Variants in TRPC1 observed in about 807,000 individuals in gnomAD.
TRPC1 encodes the protein short transient receptor potential channel 1.
A neutral mutation model predicts 88.2 loss-of-function variants in TRPC1; 42 were observed. The ratio of observed to expected loss-of-function variants is 0.48; its 90% confidence interval spans 0.37 to 0.62. The LOEUF (loss-of-function observed/expected upper bound fraction) is 0.62, where lower values mean the gene tolerates loss of function less well. Ranked by LOEUF, TRPC1 falls within the 20% of genes least tolerant of loss-of-function variation. The pLI is 0.00. For synonymous variants in TRPC1, 288 were observed against 331.8 expected (o/e 0.87, Z 1.43); for missense variants, 699 against 957.3 (o/e 0.73, Z 3.56).
intron 7 of TRPC1, among the ~76,000 whole-genome samples, chr3:142,790,265 C>T (rs1220950992): frequency 2.0e-5 from 3 of 151,936 alleles, no homozygotes; most frequent in Admixed American, 6.6e-5. Context: ...TAGAATAGTA[C>T]AAGGAAAGAT....
At chr3:142,753,486 C>A (rs1934849592) in intron 4 of TRPC1, among the ~76,000 whole-genome samples, 1 of 152,090 alleles carries the variant, frequency 6.6e-6, no homozygotes, top group African/African-American at 2.4e-5. Flanking sequence ...TAAAAAGAGA[C>A]CGGGCGCGGT....
chr3:142,770,620 T>C (rs1935544553), intron 4 of TRPC1, among the ~76,000 whole-genome samples: 1 of 152,232 alleles, frequency 6.6e-6, no homozygotes, highest in Admixed American at 6.5e-5. Context: ...TTAAAAAATC[T>C]AGTCTGACAG....
intron 1 of TRPC1, among the ~76,000 whole-genome samples, chr3:142,730,610 T>G (rs1048899238): frequency 6.6e-6 from 1 of 151,806 alleles, no homozygotes; most frequent in Non-Finnish European, 1.5e-5. Flanking sequence ...GCATGGGTTT[T>G]TTTTTTTTTT....
Position 142,784,908 on chromosome 3 carries a change from A to G in TRPC1, c.1165A>G (p.Ile389Val), listed in dbSNP as rs894349359. 1 of 1,614,118 alleles carries G rather than the reference A, an allele frequency of 6.2e-7. No individual in the cohort carries two copies. The highest frequency in any genetic ancestry group is 8.5e-7 in the Non-Finnish European group (1 of 1,180,002). Residue 389 changes from isoleucine (I) to valine (V), a missense_variant, in exon 7 of 13, where the codon ATT becomes GTT. Ile to Val is a conservative substitution (Grantham distance 29). Coordinates refer to ENST00000476941, the MANE Select transcript of TRPC1 (RefSeq NM_001251845.2). Reference protein sequence around the residue: ...IIHTPFMKFIIHGASYFTFLL... With the variant: ...IIHTPFMKFIVHGASYFTFLL... ...TCACACACCTTTTATGAAATTTATC[A>G]TTCATGGAGCATCATATTTCACATT...
Position 142,724,621 on chromosome 3 carries a change from C to G in TRPC1, c.62C>G (p.Ser21Cys). 6.2e-7 allele frequency: 1 copy of G among 1,612,024 alleles called. No individual in the cohort carries two copies. The highest frequency in any genetic ancestry group is 8.5e-7 in the Non-Finnish European group (1 of 1,179,356). ...GGCGCCTCCTCCTCCTCCCTGCCTTCCTCTCCATCCTCTTCCTCGCCGAAC... is the reference window on the plus strand; with the variant it reads ...GGCGCCTCCTCCTCCTCCCTGCCTTGCTCTCCATCCTCTTCCTCGCCGAAC... ...LSGASSSSLP[S>C]SPSSSSPNEV... The change falls in exon 1 of 13, where the codon TCC becomes TGC. Residue 21 changes from serine (S) to cysteine (C), a missense_variant. Physicochemically the swap from Ser to Cys is moderately radical, Grantham distance 112. This residue lies in a region of TRPC1 where 157 missense variants were observed against 127.0 expected (regional missense o/e 1.24). Coordinates refer to ENST00000476941, the MANE Select transcript of TRPC1 (RefSeq NM_001251845.2). This position sits in a 1 kb window ranked among gnomAD's most constrained non-coding sequence, Gnocchi z 5.6.
chr3:142,778,672 A>G (rs1487357824), intron 5 of TRPC1, among the ~76,000 whole-genome samples: 1 of 152,080 alleles, frequency 6.6e-6, no homozygotes, highest in Non-Finnish European at 1.5e-5. Context: ...TACGGCTGCT[A>G]TTAGAGCCCC....
chr3:142,776,988 TTA>T lies in TRPC1; in HGVS notation c.633-642_633-641del, dbSNP rs1177296422. ...ATCAAATCCACATCATATTAAAAATTTATGTTATTAGCATATTTTATTTAAAA... is the reference window on the plus strand; with the variant it reads ...ATCAAATCCACATCATATTAAAAATTTGTTATTAGCATATTTTATTTAAAA... On this transcript the variant is annotated intron_variant, in intron 4 of 12. Transcript: ENST00000476941. This position sits in a 1 kb window ranked among gnomAD's most constrained non-coding sequence, Gnocchi z 4.1. 8.6e-5 allele frequency among the ~76,000 whole-genome samples: 13 copies of T among 151,694 alleles called. No individual in the cohort carries two copies. The highest frequency in any genetic ancestry group is 1.2e-4 in the Non-Finnish European group (8 of 67,914).
chr3:142,729,415 G>T (rs939172134), intron 1 of TRPC1, among the ~76,000 whole-genome samples: 5 of 151,916 alleles, frequency 3.3e-5, no homozygotes, highest in African/African-American at 1.2e-4. Flanking sequence ...GTGCTCTAGC[G>T]AGGAGAAGTA....
chr3:142,738,531 G>A (rs1370496752), intron 2 of TRPC1, among the ~76,000 whole-genome samples: 1 of 152,018 alleles, frequency 6.6e-6, no homozygotes, highest in Non-Finnish European at 1.5e-5. Context: ...CTATATCAGT[G>A]GTTCTCAACC....
chr3:142,763,981 T>TATATATATATATATATATATATACAC (rs1162744315), intron 4 of TRPC1, among the ~76,000 whole-genome samples: 4 of 62,670 alleles, frequency 6.4e-5, no homozygotes, highest in Non-Finnish European at 1.1e-4. Context: ...TATATATATA[T>TATATATATATATATATATATATACAC]ATACACATAC....
chr3:142,740,775 T>G (rs1934315724), intron 2 of TRPC1, among the ~76,000 whole-genome samples: 1 of 152,160 alleles, frequency 6.6e-6, no homozygotes, highest in Non-Finnish European at 1.5e-5. Flanking sequence ...TTGCAAAGTT[T>G]GACACAATGA....
At chr3:142,735,467 A>T (rs1318215976) in intron 1 of TRPC1, among the ~76,000 whole-genome samples, 1 of 152,222 alleles carries the variant, frequency 6.6e-6, no homozygotes, top group African/African-American at 2.4e-5. Context: ...AAGTCAAATG[A>T]AACAAAACAA....
At chr3:142,760,431 T>C (rs1029827548) in intron 4 of TRPC1, among the ~76,000 whole-genome samples, 2 of 152,164 alleles carry the variant, frequency 1.3e-5, no homozygotes, top group African/African-American at 2.4e-5. Flanking sequence ...TTATGTTCCA[T>C]TGGTCTATGT....
At chr3:142,775,491 C>T (rs111953044) in intron 4 of TRPC1, among the ~76,000 whole-genome samples, 4,534 of 152,168 alleles carry the variant, frequency 0.03, 241 homozygotes, top group African/African-American at 0.1. Flanking sequence ...TGGTGGCACG[C>T]ACCTGTAATC....
At chr3:142,793,491 T>C (rs1936358600) in intron 9 of TRPC1, among the ~76,000 whole-genome samples, 1 of 152,036 alleles carries the variant, frequency 6.6e-6, no homozygotes, top group Admixed American at 6.6e-5. Flanking sequence ...TAGTTCAGCT[T>C]TATATTTTAT....
rs1325180762 is a variant in TRPC1, at chr3:142,743,700, T to A, written c.429+114T>A. On this transcript the variant is annotated intron_variant, in intron 3 of 12. Coordinates refer to ENST00000476941, the MANE Select transcript of TRPC1 (RefSeq NM_001251845.2). ...ATTTTGTTTTTTCAAAAAATAGATATTTTTTCTCACTCTGTAAAATATTAA... is the reference window on the plus strand; with the variant it reads ...ATTTTGTTTTTTCAAAAAATAGATAATTTTTCTCACTCTGTAAAATATTAA... 22 of 569,418 alleles carry A rather than the reference T, an allele frequency of 3.9e-5. No homozygotes were observed. In the East Asian group the frequency reaches 7.0e-4, roughly 18 times the overall value. The allele number at this position is 569,418 out of a possible 1,614,324, so 35.3% of individuals were successfully genotyped here. A position where few individuals can be genotyped will look rare whatever the true frequency, so the allele number is the denominator to read the frequency against.
intron 2 of TRPC1, among the ~76,000 whole-genome samples, chr3:142,741,718 T>C (rs908011727): frequency 2.0e-5 from 3 of 152,220 alleles, no homozygotes; most frequent in Admixed American, 6.5e-5. Flanking sequence ...TGGGTCTGTT[T>C]CTTTTGGGAA....
chr3:142,735,348 C>A (rs1041888168), intron 1 of TRPC1, among the ~76,000 whole-genome samples: 1 of 152,130 alleles, frequency 6.6e-6, no homozygotes, highest in African/African-American at 2.4e-5. Flanking sequence ...GAAATCATTT[C>A]TTTTTCTATT....
In TRPC1 at chr3:142,776,632, C is replaced by T. The variant is rs151069194; in HGVS notation, c.633-1000C>T. Among the ~76,000 whole-genome samples the T allele has an allele frequency of 4.5e-3, 683 of 152,148 alleles. 6 individuals carry two copies. The highest frequency in any genetic ancestry group is 0.015 in the African/African-American group (629 of 41,518). On this transcript the variant is annotated intron_variant, in intron 4 of 12. Coordinates refer to ENST00000476941, the MANE Select transcript of TRPC1 (RefSeq NM_001251845.2). This position sits in a 1 kb window ranked among gnomAD's most constrained non-coding sequence, Gnocchi z 4.1. The stretch of plus-strand genomic sequence containing the variant: ...TTAAAATATTTTTATGGTCTGGGCG[C>T]GGTGGCTCACGCCTGTAATCCCAGC...
Sources: allele counts gnomAD v4.1 joint callset (sites outside exome capture counted in the v4.1 genomes callset), GRCh38; gene constraint gnomAD v4.1.1; regional missense constraint gnomAD v4.1.1; non-coding constraint Gnocchi (gnomAD v3.1); transcripts MANE v1.5; gene names NCBI Gene and HGNC (gene_info 2026-07-23, HGNC 2026-07-21).